The following CPM variants were observed in gnomAD, a reference collection of about 807,000 sequenced individuals.
CPM encodes renal carboxypeptidase.
CPM carries 35 observed loss-of-function variants against 46.4 expected under a neutral mutation model. That is an observed-to-expected ratio of 0.75 (90% CI 0.58 to 1.00). The LOEUF (loss-of-function observed/expected upper bound fraction) is 1.00, where lower values mean the gene tolerates loss of function less well. Ranked by LOEUF, CPM falls within the 50% of genes least tolerant of loss-of-function variation. The pLI is 0.00. For synonymous variants in CPM, 195 were observed against 195.3 expected (o/e 1.00, Z 0.01); for missense variants, 422 against 530.4 (o/e 0.80, Z 2.01).
At position 68,958,060 on chromosome 12, in the gene CPM, A is replaced by C. The variant is rs552117192; in HGVS notation, c.-4+5109T>G. Reference sequence around the variant, plus strand: ...GGCTGCAAAGTATTCCATGGTATACATGTGCCACATTTTCTTAATCCAGTC... The same window carrying C: ...GGCTGCAAAGTATTCCATGGTATACCTGTGCCACATTTTCTTAATCCAGTC... On this transcript the variant is annotated intron_variant, in intron 1 of 8. Coordinates refer to the CPM transcript ENST00000546373. Among the ~76,000 whole-genome samples, 3 of 152,320 alleles carry C rather than the reference A, an allele frequency of 2.0e-5. No homozygotes were observed. In the East Asian group the frequency reaches 5.8e-4, roughly 29 times the overall value.
At position 68,950,434 on chromosome 12, in the gene CPM, T is replaced by C. The variant is rs564016666; in HGVS notation, c.-4+12735A>G. On this transcript the variant is annotated intron_variant, in intron 1 of 8. Transcript: ENST00000546373. ...AGTAGGAGAGAAAGGGAAATAGATT[T>C]ATATTGTATCAATTTAGCTAAACTG... Among the ~76,000 whole-genome samples, 4 of 152,332 alleles carry C rather than the reference T, an allele frequency of 2.6e-5. No individual in the cohort carries two copies. The South Asian group carries it at 8.3e-4, about 32-fold the overall frequency.
intron 7 of CPM, among the ~76,000 whole-genome samples, chr12:68,861,745 C>A (rs1428561153): frequency 6.6e-6 from 1 of 151,572 alleles, no homozygotes; most frequent in Non-Finnish European, 1.5e-5. Flanking sequence ...TCAGGCTGGT[C>A]TTGAACTCCT....
At chr12:68,913,678 C>A in intron 2 of CPM, 1 of 342,144 alleles carries the variant, frequency 2.9e-6, no homozygotes, top group South Asian at 2.6e-5. Flanking sequence ...CTGCAGAGGG[C>A]ACATCCTCGG....
chr12:68,843,524 A>G (rs556178399), intron 5 of CPM: 1 of 226,302 alleles, frequency 4.4e-6, no homozygotes, highest in South Asian at 1.8e-4. Context: ...TTATATTTAA[A>G]TATGAATCTT....
At chr12:68,885,702 A>C (rs189890691) in intron 3 of CPM, 90 bp downstream of exon 3, 26 of 1,056,918 alleles carry the variant, frequency 2.5e-5, no homozygotes, top group Non-Finnish European at 3.2e-5. Context: ...AGACTTCTCC[A>C]GGCTTCCTCG....
At chr12:68,934,141 C>T (rs1218617851), upstream of CPM, among the ~76,000 whole-genome samples, 1 of 152,020 alleles carries the variant, frequency 6.6e-6, no homozygotes, top group African/African-American at 2.4e-5. Context: ...CCCCTTTCTC[C>T]CACTCTCTCC....
Position 68,962,404 on chromosome 12 carries a change from C to T in CPM, c.-4+765G>A, listed in dbSNP as rs554863891. ...AGGTTTTCTCTGACCTTCTCCTGCT[C>T]GCCTCCTGTCTCTCAGTCCCACTCT... is the stretch of plus-strand genomic sequence containing the variant. On this transcript the variant is annotated intron_variant, in intron 1 of 8. Transcript: ENST00000546373. Among the ~76,000 whole-genome samples the T allele has an allele frequency of 1.4e-4, 21 of 152,212 alleles. No homozygotes were observed. The Middle Eastern group carries it at 0.014, about 99-fold the overall frequency.
intron 7 of CPM, among the ~76,000 whole-genome samples, chr12:68,860,726 G>A (rs1885170847): frequency 6.6e-6 from 1 of 152,048 alleles, no homozygotes; most frequent in Admixed American, 6.6e-5. Flanking sequence ...GTTTTGATTT[G>A]AATTCTAGTT....
chr12:68,931,134 C>T (rs1021348977), intron 2 of CPM, among the ~76,000 whole-genome samples: 1 of 152,126 alleles, frequency 6.6e-6, no homozygotes, highest in Non-Finnish European at 1.5e-5. Flanking sequence ...TTTGGCAATG[C>T]TGTTTAAAAA....
At chr12:68,939,051 CATAG>C (rs1204433043) in intron 1 of CPM, among the ~76,000 whole-genome samples, 2 of 146,204 alleles carry the variant, frequency 1.4e-5, no homozygotes, top group African/African-American at 5.0e-5. Flanking sequence ...TAAGTATATA[CATAG>C]ATATATGTAC....
intron 5 of CPM, chr12:68,845,029 A>G (rs1340975201): frequency 1.5e-5 from 3 of 200,768 alleles, no homozygotes. Context: ...TGGCCCCCCA[A>G]AGTGCTGTGA....
At chr12:68,895,278 T>C (rs1035977270) in intron 2 of CPM, among the ~76,000 whole-genome samples, 11 of 152,024 alleles carry the variant, frequency 7.2e-5, no homozygotes, top group African/African-American at 2.7e-4. Flanking sequence ...GCAGAAATGG[T>C]AATGTACCAC....
intron 2 of CPM, among the ~76,000 whole-genome samples, chr12:68,895,001 C>T (rs2453749): frequency 6.9e-6 from 1 of 145,680 alleles, no homozygotes; most frequent in African/African-American, 2.5e-5. Context: ...TGCACTCCAG[C>T]CTGGGTGACA....
chr12:68,933,064 C>T (rs1033676736), intron 1 of CPM, 78 bp downstream of exon 1: 18 of 465,090 alleles, frequency 3.9e-5, no homozygotes, highest in Non-Finnish European at 5.4e-5. Flanking sequence ...CCGCGCCTCC[C>T]TCTCCTCCTC....
intron 7 of CPM, among the ~76,000 whole-genome samples, chr12:68,860,312 C>A (rs554368210): frequency 2.8e-4 from 43 of 152,130 alleles, no homozygotes; most frequent in Non-Finnish European, 6.0e-4. Context: ...CTTTTTTAAA[C>A]ACAGTTCCAT....
intron 3 of CPM, among the ~76,000 whole-genome samples, chr12:68,872,870 A>T (rs1885772397): frequency 6.6e-6 from 1 of 152,140 alleles, no homozygotes; most frequent in East Asian, 1.9e-4. Context: ...TGACTATTAA[A>T]ATGTTAAAAG....
At chr12:68,953,962 C>T (rs1888974652) in intron 1 of CPM, among the ~76,000 whole-genome samples, 1 of 152,166 alleles carries the variant, frequency 6.6e-6, no homozygotes, top group South Asian at 2.1e-4. Flanking sequence ...CATAGAAATC[C>T]ATCAGGCGTG....
chr12:68,865,506 A>C (rs1237441825), intron 7 of CPM, among the ~76,000 whole-genome samples: 4 of 152,156 alleles, frequency 2.6e-5, no homozygotes, highest in Non-Finnish European at 5.9e-5. Context: ...ATCCTTCTCC[A>C]TCTTCTTTGT....
chr12:68,917,170 G>A (rs1887844978), intron 2 of CPM, among the ~76,000 whole-genome samples: 1 of 152,050 alleles, frequency 6.6e-6, no homozygotes, highest in African/African-American at 2.4e-5. Context: ...TTCACCTCCA[G>A]GCCTTTGAAC....
Sources: gnomAD v4.1 joint callset for allele counts (sites outside exome capture counted in the v4.1 genomes callset) on GRCh38, gnomAD v4.1.1 for gene constraint, MANE v1.5 for transcripts, NCBI Gene and HGNC (gene_info 2026-07-23, HGNC 2026-07-21) for gene names.